Variants in KATNAL2 observed in about 807,000 individuals in gnomAD.
The protein encoded by KATNAL2 is katanin catalytic subunit A1 like 2.
A neutral mutation model predicts 76.3 loss-of-function variants in KATNAL2; 52 were observed. That is an observed-to-expected ratio of 0.68 (90% CI 0.55 to 0.86). The LOEUF is 0.86. Among genes scored for constraint, KATNAL2 ranks in the 40% least tolerant of loss-of-function variants. KATNAL2 has a pLI of 0.00. For missense variants in KATNAL2, 660 were observed against 668.9 expected (o/e 0.99, Z 0.15); for synonymous variants, 243 against 244.2 (o/e 1.00, Z 0.05).
At chr18:47,031,877 C>G (rs1438209351) in intron 3 of KATNAL2, among the ~76,000 whole-genome samples, 1 of 152,134 alleles carries the variant, frequency 6.6e-6, no homozygotes, top group Non-Finnish European at 1.5e-5. Flanking sequence ...TGTCTCCATC[C>G]TGGCTTTTTT....
At chr18:46,933,194 C>T (rs1270632957) in intron 1 of KATNAL2, among the ~76,000 whole-genome samples, 1 of 151,734 alleles carries the variant, frequency 6.6e-6, no homozygotes. Context: ...AACAAAAAAG[C>T]TGGATTAAAA....
At chr18:46,960,724 A>C (rs1368142452) in intron 3 of KATNAL2, among the ~76,000 whole-genome samples, 1 of 152,236 alleles carries the variant, frequency 6.6e-6, no homozygotes, top group Non-Finnish European at 1.5e-5. Context: ...GCTATGCATA[A>C]GAGTAAGCAA....
chr18:47,076,818 C>CAT (rs1170588385), intron 14 of KATNAL2, among the ~76,000 whole-genome samples: 12 of 142,912 alleles, frequency 8.4e-5, no homozygotes, highest in South Asian at 2.2e-4. Context: ...TATATATACA[C>CAT]ATATATATAT....
intron 10 of KATNAL2, among the ~76,000 whole-genome samples, chr18:47,066,725 T>C (rs2061804008): frequency 6.8e-6 from 1 of 146,648 alleles, no homozygotes; most frequent in Admixed American, 6.8e-5. Flanking sequence ...TGTTAGGAGA[T>C]TTTTTTTTCT....
chr18:46,961,698 T>C (rs761415725), intron 3 of KATNAL2, among the ~76,000 whole-genome samples: 38 of 152,228 alleles, frequency 2.5e-4, no homozygotes, highest in Non-Finnish European at 4.6e-4. Context: ...TTTGAAAATC[T>C]ATTGGCAGAC....
rs1301656002 is a variant in KATNAL2 at position 47,075,372 on chromosome 18, A to G, written c.1100+4A>G. 2 of 1,518,808 alleles carry G rather than the reference A, an allele frequency of 1.3e-6. No homozygotes were observed. The highest frequency in any genetic ancestry group is 1.4e-5 in the African/African-American group (1 of 69,460). 94.1% of individuals were successfully genotyped at this position (1,518,808 alleles called of 1,614,324 possible). A position where few individuals can be genotyped will look rare whatever the true frequency, so the allele number is the denominator to read the frequency against. ...GTCAGAGAGGCACAGCTTCTGGGTA[A>G]CAGACAGGGTTGGGGTTTTTGTTGT... On this transcript the variant is annotated splice_donor_region_variant and intron_variant, in intron 14 of 17. Transcript: ENST00000683218.
At chr18:46,924,383 T>C (rs1456883790) in intron 1 of KATNAL2, among the ~76,000 whole-genome samples, 1 of 152,206 alleles carries the variant, frequency 6.6e-6, no homozygotes, top group African/African-American at 2.4e-5. Flanking sequence ...ATCAGATAGT[T>C]GTAGATATGC....
chr18:47,033,685 G>T (rs202004416), intron 3 of KATNAL2: 3 of 1,614,062 alleles, frequency 1.9e-6, no homozygotes, highest in South Asian at 1.1e-5. Context: ...GCGCAGCGTC[G>T]GCACCTGGAG....
In KATNAL2 at chr18:47,100,746, C is replaced by T; in HGVS notation, c.1478-120C>T. Reference sequence around the variant, plus strand: ...CCCTCTTTAGTCTTGCCTTTTGCTGCATTAACAATTAAGAATGCTGCATTA... The same window carrying T: ...CCCTCTTTAGTCTTGCCTTTTGCTGTATTAACAATTAAGAATGCTGCATTA... On this transcript the variant is annotated intron_variant, in intron 17 of 17. Coordinates refer to ENST00000683218, the MANE Select transcript of KATNAL2 (RefSeq NM_001387690.1). The T allele has an allele frequency of 2.4e-6, 3 of 1,237,592 alleles. No individual in the cohort carries two copies. In the South Asian group the frequency reaches 4.3e-5, roughly 18 times the overall value. The allele number at this position is 1,237,592 out of a possible 1,614,324, so 76.7% of individuals were successfully genotyped here.
chr18:47,059,497 C>A, intron 7 of KATNAL2, 59 bp from the exon 8 acceptor site: 1 of 1,167,058 alleles, frequency 8.6e-7, no homozygotes, highest in Non-Finnish European at 1.3e-6. Flanking sequence ...TAGGCAGGTA[C>A]ATCCAGCAAC....
chr18:47,044,076 C>A (rs2061066411), intron 3 of KATNAL2, among the ~76,000 whole-genome samples: 1 of 152,084 alleles, frequency 6.6e-6, no homozygotes, highest in African/African-American at 2.4e-5. Context: ...GAAGAAACAG[C>A]TAAAATAATT....
rs1487569838 is a variant in KATNAL2 at position 47,034,733 on chromosome 18, G to A, written c.52-11724G>A. ...GGCTCAGGGCCCTCGGGCATCCGGA[G>A]GGGAGCTGTGCGCGTTGGAGAGGCC... On this transcript the variant is annotated intron_variant, in intron 3 of 17. Transcript: ENST00000683218. 1.1e-5 allele frequency: 18 copies of A among 1,612,854 alleles called. No homozygotes were observed. The highest frequency in any genetic ancestry group is 1.4e-5 in the Non-Finnish European group (16 of 1,179,864).
At chr18:46,925,263 C>T (rs2058693828) in intron 1 of KATNAL2, among the ~76,000 whole-genome samples, 1 of 152,026 alleles carries the variant, frequency 6.6e-6, no homozygotes, top group Non-Finnish European at 1.5e-5. Context: ...CCCATCAGTA[C>T]CTAATTTATT....
At position 46,921,212 on chromosome 18, in the gene KATNAL2, C is replaced by G. The variant is rs540584142; in HGVS notation, c.-510+3286C>G. Among the ~76,000 whole-genome samples the G allele has an allele frequency of 8.8e-4, 134 of 152,334 alleles. No homozygotes were observed. The Middle Eastern group carries it at 0.01, about 12-fold the overall frequency. ...GCACGATCTCGGCTCACTGCAACCT[C>G]TGCCCCCCCGAATTTAAGCAATTCT... On this transcript the variant is annotated intron_variant, in intron 1 of 17. Coordinates refer to ENST00000683218, the MANE Select transcript of KATNAL2 (RefSeq NM_001387690.1).
chr18:47,051,064 C>T (rs1429253410), intron 4 of KATNAL2, among the ~76,000 whole-genome samples: 1 of 152,100 alleles, frequency 6.6e-6, no homozygotes, highest in African/African-American at 2.4e-5. Flanking sequence ...GTAGCCTCTG[C>T]GTCTCTCTCT....
rs549118422 is a variant in KATNAL2, at chr18:47,032,924, A to T, written c.52-13533A>T. 943 of 1,609,754 alleles carry T rather than the reference A, an allele frequency of 5.9e-4. 12 individuals carry two copies. In the South Asian group the frequency reaches 9.8e-3, roughly 17 times the overall value. On this transcript the variant is annotated intron_variant, in intron 3 of 17. Coordinates refer to ENST00000683218, the MANE Select transcript of KATNAL2 (RefSeq NM_001387690.1). ...AGTTAAAGGTTCTGGTGTCCATTGG[A>T]AGTTTCGTTCCCCAACCCGCATTGA... is the stretch of plus-strand genomic sequence containing the variant.
At chr18:46,931,895 T>C (rs927958278) in intron 1 of KATNAL2, among the ~76,000 whole-genome samples, 2 of 152,126 alleles carry the variant, frequency 1.3e-5, no homozygotes, top group African/African-American at 2.4e-5. Flanking sequence ...GAATTTTCTT[T>C]TTTTTTCTTG....
chr18:47,068,075 C>G (rs951708535), intron 11 of KATNAL2, among the ~76,000 whole-genome samples: 1 of 152,172 alleles, frequency 6.6e-6, no homozygotes, highest in Admixed American at 6.5e-5. Flanking sequence ...TTTCATGCCT[C>G]TTATATTTTT....
chr18:46,951,089 C>T (rs1569009174), intron 3 of KATNAL2, among the ~76,000 whole-genome samples: 3 of 152,148 alleles, frequency 2.0e-5, no homozygotes, highest in Admixed American at 2.0e-4. Flanking sequence ...CCCTGGCCTC[C>T]TCCCACCATC....
Sources: allele counts gnomAD v4.1 joint callset (sites outside exome capture counted in the v4.1 genomes callset), GRCh38; gene constraint gnomAD v4.1.1; transcripts MANE v1.5; gene names NCBI Gene and HGNC (gene_info 2026-07-23, HGNC 2026-07-21).